Variants in XPNPEP3 observed in about 807,000 individuals in gnomAD.
XPNPEP3 encodes the protein X-prolyl aminopeptidase 3, also known as xaa-Pro aminopeptidase 3.
In XPNPEP3, 41 loss-of-function variants were observed where a neutral mutation model predicts 60.0. That is an observed-to-expected ratio of 0.68 (90% CI 0.53 to 0.89). The LOEUF is 0.89. XPNPEP3 is among the 40% of genes least tolerant of loss of function. The probability of loss-of-function intolerance (pLI) is 0.00; values close to 1 mark genes in which losing one functional copy is unlikely to be tolerated. For synonymous variants in XPNPEP3, 212 were observed against 223.2 expected (o/e 0.95, Z 0.45); for missense variants, 598 against 638.9 (o/e 0.94, Z 0.69).
intron 4 of XPNPEP3, among the ~76,000 whole-genome samples, chr22:40,898,841 A>C (rs1402331916): frequency 2.0e-5 from 3 of 152,118 alleles, no homozygotes; most frequent in Non-Finnish European, 2.9e-5. Flanking sequence ...TTATGTCCTC[A>C]TACAACCAGA....
rs1311534603 is a variant in XPNPEP3, at chr22:40,932,783, G to A, written c.*6348G>A. On this transcript the variant is annotated 3_prime_UTR_variant, in exon 10 of 10. Coordinates refer to ENST00000357137, the MANE Select transcript of XPNPEP3 (RefSeq NM_022098.4). The stretch of plus-strand genomic sequence containing the variant: ...CATCAAGGGAAAAGCACTTGTAACT[G>A]TCATTTAAAAAAAATAAAACTATAA... 1 of 152,066 alleles carries A rather than the reference G, an allele frequency of 6.6e-6. No individual in the cohort carries two copies. Among genetic ancestry groups the A allele is most frequent in the African/African-American group, 2.4e-5 (1 of 41,406 alleles). The allele number at this position is 152,066 out of a possible 1,614,324, so 9.4% of individuals were successfully genotyped here. A position where few individuals can be genotyped will look rare whatever the true frequency, so the allele number is the denominator to read the frequency against.
chr22:40,896,821 C>A (rs894932412), intron 4 of XPNPEP3, among the ~76,000 whole-genome samples: 1 of 152,082 alleles, frequency 6.6e-6, no homozygotes, highest in Non-Finnish European at 1.5e-5. Context: ...TTCCCTCCTC[C>A]CAGCCCCTGG....
At chr22:40,857,720 G>C (rs2057910921) in intron 1 of XPNPEP3, among the ~76,000 whole-genome samples, 1 of 152,260 alleles carries the variant, frequency 6.6e-6, no homozygotes, top group Non-Finnish European at 1.5e-5. Flanking sequence ...TGTTTGCAAA[G>C]ACAAGACGAA....
rs1294704446 is a variant in XPNPEP3, at chr22:40,929,375, T to C, written c.*2940T>C. ...CCCGGCTATTTTTTTGTATTTTAAA[T>C]AGAGACGAGGTTTCACTGTGTTGGC... On this transcript the variant is annotated 3_prime_UTR_variant, in exon 10 of 10. Coordinates refer to ENST00000357137, the MANE Select transcript of XPNPEP3 (RefSeq NM_022098.4). The C allele has an allele frequency of 6.6e-6, 1 of 151,980 alleles. No individual in the cohort carries two copies. Among genetic ancestry groups the C allele is most frequent in the African/African-American group, 2.4e-5 (1 of 41,366 alleles). 9.4% of individuals were successfully genotyped at this position (151,980 alleles called of 1,614,324 possible).
At chr22:40,868,011 T>C (rs889724551) in intron 1 of XPNPEP3, among the ~76,000 whole-genome samples, 1 of 152,064 alleles carries the variant, frequency 6.6e-6, no homozygotes, top group African/African-American at 2.4e-5. Context: ...CATTTAATAT[T>C]GTAATGCTCT....
Position 40,928,886 on chromosome 22 carries a change from C to T in XPNPEP3, c.*2451C>T, listed in dbSNP as rs1004728649. On this transcript the variant is annotated 3_prime_UTR_variant, in exon 10 of 10. Transcript: ENST00000357137. The stretch of plus-strand genomic sequence containing the variant: ...AGATAATGTGAAAACAAAAGTGATA[C>T]AAATCATATCCTGACAGTGCTAGCC... 3 of 152,132 alleles carry T rather than the reference C, an allele frequency of 2.0e-5. No individual in the cohort carries two copies. Among genetic ancestry groups the T allele is most frequent in the African/African-American group, 4.8e-5 (2 of 41,416 alleles). The allele number at this position is 152,132 out of a possible 1,614,324, so 9.4% of individuals were successfully genotyped here. A position where few individuals can be genotyped will look rare whatever the true frequency, so the allele number is the denominator to read the frequency against.
chr22:40,870,245 C>A, intron 2 of XPNPEP3: 1 of 285,654 alleles, frequency 3.5e-6, no homozygotes. Context: ...ATAGTTTTAC[C>A]AGCTTTGAAA....
intron 1 of XPNPEP3, among the ~76,000 whole-genome samples, chr22:40,857,819 A>T (rs994219918): frequency 7.9e-5 from 12 of 152,196 alleles, no homozygotes; most frequent in African/African-American, 2.9e-4. Context: ...AAACTGAATC[A>T]CCTTCCTTGC....
chr22:40,894,720 A>T (rs2058101377), intron 4 of XPNPEP3, among the ~76,000 whole-genome samples: 1 of 152,174 alleles, frequency 6.6e-6, no homozygotes, highest in African/African-American at 2.4e-5. Flanking sequence ...TCAAGAGATC[A>T]AGTTAGGCCA....
intron 1 of XPNPEP3, among the ~76,000 whole-genome samples, chr22:40,867,332 C>T (rs951469039): frequency 1.3e-5 from 2 of 152,118 alleles, no homozygotes; most frequent in African/African-American, 4.8e-5. Flanking sequence ...TCACTAGGTC[C>T]TCTCTGTTTA....
At chr22:40,864,644 C>T (rs2057968774) in intron 1 of XPNPEP3, among the ~76,000 whole-genome samples, 2 of 152,024 alleles carry the variant, frequency 1.3e-5, no homozygotes, top group Non-Finnish European at 2.9e-5. Context: ...GGGGTTTCTC[C>T]ATGTTGGTCA....
At chr22:40,878,465 A>T (rs530065043) in intron 2 of XPNPEP3, among the ~76,000 whole-genome samples, 2 of 152,292 alleles carry the variant, frequency 1.3e-5, no homozygotes, top group East Asian at 3.9e-4. Flanking sequence ...CTTGTTTTAG[A>T]AGTAACTTCC....
rs577396058 is a variant in XPNPEP3 at position 40,860,289 on chromosome 22, C to G, written c.64+3044C>G. 1.4e-4 allele frequency: 22 copies of G among 154,028 alleles called. No homozygotes were observed. In the South Asian group the frequency reaches 3.0e-3, roughly 21 times the overall value. 9.5% of individuals were successfully genotyped at this position (154,028 alleles called of 1,614,324 possible). A position where few individuals can be genotyped will look rare whatever the true frequency, so the allele number is the denominator to read the frequency against. On this transcript the variant is annotated intron_variant, in intron 1 of 9. Coordinates refer to ENST00000357137, the MANE Select transcript of XPNPEP3 (RefSeq NM_022098.4). ...ATAGAGGACAGGTCTCATTATGTTA[C>G]CCGGACTGTCGTGAAATTCTGACTT...
chr22:40,922,827 C>T (rs1484562227), intron 8 of XPNPEP3, among the ~76,000 whole-genome samples: 1 of 151,984 alleles, frequency 6.6e-6, no homozygotes, highest in Non-Finnish European at 1.5e-5. Context: ...ATTTAGAAAT[C>T]ATCTTTGTGA....
At chr22:40,925,614 C>T (rs1569034199) in intron 9 of XPNPEP3, among the ~76,000 whole-genome samples, 1 of 152,162 alleles carries the variant, frequency 6.6e-6, no homozygotes, top group East Asian at 1.9e-4. Flanking sequence ...AAGTTTACAA[C>T]TTGTTTAATA....
At chr22:40,889,086 C>T (rs2058079948) in intron 4 of XPNPEP3, among the ~76,000 whole-genome samples, 1 of 151,726 alleles carries the variant, frequency 6.6e-6, no homozygotes, top group South Asian at 2.1e-4. Context: ...GGTTGGAGTG[C>T]ATGGTGAGAT....
At chr22:40,859,295 T>C (rs1341985039) in intron 1 of XPNPEP3, among the ~76,000 whole-genome samples, 1 of 152,184 alleles carries the variant, frequency 6.6e-6, no homozygotes, top group African/African-American at 2.4e-5. Context: ...AGCAAACAAT[T>C]AGCTTTTTCC....
intron 1 of XPNPEP3, chr22:40,860,825 A>T: frequency 3.1e-6 from 2 of 640,632 alleles, no homozygotes. Flanking sequence ...TAATTTTTAA[A>T]TTTTTTGTAG....
intron 3 of XPNPEP3, 92 bp downstream of exon 3, chr22:40,882,269 A>G: frequency 8.7e-6 from 12 of 1,385,950 alleles, no homozygotes; most frequent in Non-Finnish European, 1.2e-5. Context: ...TTGTTATCGT[A>G]GCACCACCAT....
Sources: gnomAD v4.1 joint callset for allele counts (sites outside exome capture counted in the v4.1 genomes callset) on GRCh38, gnomAD v4.1.1 for gene constraint, MANE v1.5 for transcripts, NCBI Gene and HGNC (gene_info 2026-07-23, HGNC 2026-07-21) for gene names.